ANKRD11: variants seen among roughly 807,000 people sequenced by gnomAD.
ANKRD11 encodes the protein ankyrin repeat domain-containing protein 11.
Under a neutral mutation model 195.7 loss-of-function variants are expected in ANKRD11, and 17 were observed. That is an observed-to-expected ratio of 0.09 (90% CI 0.06 to 0.13). The LOEUF (loss-of-function observed/expected upper bound fraction) is 0.13. ANKRD11 is among the 10% of genes least tolerant of loss of function. The pLI is 1.00. For missense variants in ANKRD11, 3,735 were observed against 3,566.1 expected (o/e 1.05, Z -1.21); for synonymous variants, 1,953 against 1,528.1 (o/e 1.28, Z -6.49).
At chr16:89,300,934 G>C (rs1379206626) in intron 4 of ANKRD11, 2 of 697,250 alleles carry the variant, frequency 2.9e-6, no homozygotes, top group East Asian at 2.7e-5. Flanking sequence ...CCTCGTGGCT[G>C]CCCCAGGACA....
At chr16:89,488,449 C>G (rs866448995) in intron 1 of ANKRD11, among the ~76,000 whole-genome samples, 5 of 151,616 alleles carry the variant, frequency 3.3e-5, no homozygotes, top group Middle Eastern at 3.2e-3. Context: ...CGCCCCCCCC[C>G]CTTTTTTTCT....
At chr16:89,373,217 G>A (rs76499853) in intron 2 of ANKRD11, 1 of 152,262 alleles carries the variant, frequency 6.6e-6, no homozygotes, top group Non-Finnish European at 1.5e-5. Flanking sequence ...ACCCAAGATT[G>A]TGAAGCAATT....
intron 1 of ANKRD11, among the ~76,000 whole-genome samples, chr16:89,437,169 G>C (rs894519412): frequency 2.0e-5 from 3 of 152,192 alleles, no homozygotes; most frequent in Non-Finnish European, 4.4e-5. Flanking sequence ...TGAAAGCGCA[G>C]CACACACCTT....
At chr16:89,323,004 C>T (rs966942775) in intron 2 of ANKRD11, 19 of 299,536 alleles carry the variant, frequency 6.3e-5, no homozygotes, top group African/African-American at 2.0e-4. Flanking sequence ...GCACCATGCC[C>T]GGCTAATTTC....
chr16:89,382,364 C>T (rs1340777034), intron 2 of ANKRD11, among the ~76,000 whole-genome samples: 1 of 152,050 alleles, frequency 6.6e-6, no homozygotes, highest in East Asian at 1.9e-4. Context: ...CTCGTTCTGT[C>T]ACCCAGGCTG....
intron 1 of ANKRD11, among the ~76,000 whole-genome samples, chr16:89,453,589 T>C (rs2056288626): frequency 6.6e-6 from 1 of 152,056 alleles, no homozygotes. Flanking sequence ...TTAAAAAGTG[T>C]GGCTAACAGA....
In ANKRD11 at chr16:89,267,816, AGT is replaced by A. The variant is rs1470707914; in HGVS notation, c.*660_*661del. The A allele has an allele frequency of 1.3e-5, 2 of 152,372 alleles. No homozygotes were observed. The highest frequency in any genetic ancestry group is 4.9e-5 in the African/African-American group (2 of 41,182). The allele number at this position is 152,372 out of a possible 1,614,324, so 9.4% of individuals were successfully genotyped here. On this transcript the variant is annotated 3_prime_UTR_variant, in exon 13 of 13. Coordinates refer to ENST00000301030, the MANE Select transcript of ANKRD11 (RefSeq NM_013275.6). ...CTTTTTATATGATTATTGGCTCTGTAGTGTTTCAAGTTACGTTCTCAGAAAGA... is the reference window on the plus strand; with the variant it reads ...CTTTTTATATGATTATTGGCTCTGTAGTTTCAAGTTACGTTCTCAGAAAGA...
intron 11 of ANKRD11, 34 bp downstream of exon 11, chr16:89,274,780 G>C (rs745344760): frequency 6.2e-7 from 1 of 1,605,178 alleles, no homozygotes; most frequent in African/African-American, 1.3e-5. Flanking sequence ...GCAGGCACTT[G>C]GACTCATGGG....
chr16:89,364,869 C>G (rs1199291156), intron 2 of ANKRD11, among the ~76,000 whole-genome samples: 5 of 152,200 alleles, frequency 3.3e-5, no homozygotes, highest in Non-Finnish European at 7.3e-5. Context: ...GTTCCAACAG[C>G]CTGGCACGCA....
At chr16:89,422,596 G>A (rs774947614) in intron 1 of ANKRD11, among the ~76,000 whole-genome samples, 3 of 152,052 alleles carry the variant, frequency 2.0e-5, no homozygotes, top group South Asian at 4.1e-4. Context: ...CTCTTTCAAC[G>A]CCCTGGGCTC....
chr16:89,299,033 G>C, intron 4 of ANKRD11: 1 of 152,402 alleles, frequency 6.6e-6, no homozygotes. Flanking sequence ...TGACTCCCCG[G>C]GGGCTGCTCA....
chr16:89,283,046 T>C lies in ANKRD11; in HGVS notation c.3496A>G (p.Lys1166Glu). 6.2e-7 allele frequency: 1 copy of C among 1,613,946 alleles called. No homozygotes were observed. Among genetic ancestry groups the C allele is most frequent in the Non-Finnish European group, 8.5e-7 (1 of 1,180,038 alleles). Residue 1166 changes from lysine (K) to glutamate (E), a missense_variant, in exon 9 of 13, where the codon AAG becomes GAG. Transcript: ENST00000301030. This position sits in a 1 kb window ranked among gnomAD's most constrained non-coding sequence, Gnocchi z 4.3. The part of the protein sequence containing the change: ...REAYASDRHR[K>E]SSDKQHPERQ... ...TCAGGGTGCTGCTTGTCAGAAGACT[T>C]CCTGTGTCTGTCGGAGGCATAGGCC...
Position 89,281,723 on chromosome 16 carries a change from G to C in ANKRD11, c.4819C>G (p.Gln1607Glu). Residue 1607 changes from glutamine (Q) to glutamate (E), a missense_variant, in exon 9 of 13, where the codon CAA becomes GAA. Transcript: ENST00000301030. The surrounding 1 kb of genome is among the most constrained non-coding windows in gnomAD (Gnocchi z 5.5). ...RHKRHKERMK[Q>E]MEKLRHRSGD... ...GACCGGTGCCTCAGCTTCTCCATTT[G>C]CTTCATCCTCTCCTTGTGCCGCTTG... The C allele has an allele frequency of 6.2e-7, 1 of 1,613,864 alleles. No homozygotes were observed.
chr16:89,305,119 G>A (rs969796259), intron 4 of ANKRD11, 87 bp downstream of exon 4: 62 of 1,556,784 alleles, frequency 4.0e-5, no homozygotes, highest in Non-Finnish European at 5.1e-5. Context: ...GTGCAAAGCC[G>A]GAGGTGCGGG....
chr16:89,408,056 G>T (rs1308130009), intron 2 of ANKRD11, among the ~76,000 whole-genome samples: 2 of 152,124 alleles, frequency 1.3e-5, no homozygotes, highest in Non-Finnish European at 2.9e-5. Context: ...CTGCCCTCAA[G>T]CTGGTCCCAG....
Position 89,285,055 on chromosome 16 carries a change from A to G in ANKRD11, c.1487T>C (p.Leu496Pro). ...SESGEDDRDS[L>P]GSSGCLKGSP... is the part of the protein sequence containing the mutation. ...CCCCTTGAGGCAGCCAGAGCTCCCC[A>G]GAGAGTCCCTGTCATCCTCCCCACT... Residue 496 changes from leucine to proline, a missense_variant, in exon 9 of 13, where the codon CTG becomes CCG. Transcript: ENST00000301030. This position sits in a 1 kb window ranked among gnomAD's most constrained non-coding sequence, Gnocchi z 5.6. 6.2e-7 allele frequency: 1 copy of G among 1,613,950 alleles called. No individual in the cohort carries two copies. Among genetic ancestry groups the G allele is most frequent in the Non-Finnish European group, 8.5e-7 (1 of 1,180,034 alleles).
At chr16:89,410,006 A>G (rs1481090731) in intron 2 of ANKRD11, among the ~76,000 whole-genome samples, 2 of 151,760 alleles carry the variant, frequency 1.3e-5, no homozygotes, top group Non-Finnish European at 2.9e-5. Flanking sequence ...CGCCCGGCTA[A>G]TTTTTTGTAT....
intron 9 of ANKRD11, 44 bp from the exon 10 acceptor site, chr16:89,275,235 A>G (rs1156752370): frequency 6.6e-7 from 1 of 1,519,450 alleles, no homozygotes; most frequent in South Asian, 1.2e-5. Flanking sequence ...GGGGCTGTGG[A>G]ACTGCACGAA....
chr16:89,311,898 A>G (rs963470021), intron 3 of ANKRD11, among the ~76,000 whole-genome samples: 7 of 152,178 alleles, frequency 4.6e-5, no homozygotes, highest in African/African-American at 1.4e-4. Context: ...AAGGACTTCC[A>G]CTTCTTTTTT....
Sources: allele counts gnomAD v4.1 joint callset (sites outside exome capture counted in the v4.1 genomes callset), GRCh38; gene constraint gnomAD v4.1.1; non-coding constraint Gnocchi (gnomAD v3.1); transcripts MANE v1.5; gene names NCBI Gene and HGNC (gene_info 2026-07-23, HGNC 2026-07-21).